The following PLCH1 variants were observed in gnomAD, a reference collection of about 807,000 sequenced individuals.
The protein encoded by PLCH1 is phospholipase C eta 1.
Under a neutral mutation model 126.7 loss-of-function variants are expected in PLCH1, and 60 were observed. The observed-to-expected ratio is 0.47, with a 90% CI of 0.38 to 0.59. The LOEUF is 0.59. Ranked by LOEUF, PLCH1 falls within the 20% of genes least tolerant of loss-of-function variation. The pLI is 0.00. For missense variants in PLCH1, 1,723 were observed against 2,040.0 expected (o/e 0.84, Z 2.99); for synonymous variants, 719 against 734.9 (o/e 0.98, Z 0.35).
At chr3:155,703,147 G>GA (rs1414962624) in intron 2 of PLCH1, among the ~76,000 whole-genome samples, 2 of 152,124 alleles carry the variant, frequency 1.3e-5, no homozygotes, top group Non-Finnish European at 2.9e-5. Context: ...AATGAACGTT[G>GA]AAAAAACACT....
chr3:155,734,498 G>A (rs1749008847), intron 1 of PLCH1, among the ~76,000 whole-genome samples: 1 of 151,934 alleles, frequency 6.6e-6, no homozygotes, highest in Admixed American at 6.6e-5. Flanking sequence ...ATTAAAAATA[G>A]AACTACTATA....
intron 21 of PLCH1, among the ~76,000 whole-genome samples, chr3:155,458,496 AAG>A (rs200960680): frequency 0.12 from 9,739 of 84,120 alleles, 1,342 homozygotes; most frequent in African/African-American, 0.4. Flanking sequence ...GAAAGAAAGA[AAG>A]AGAAAGAAGA....
chr3:155,461,484 TG>T (rs1270321663), intron 21 of PLCH1, among the ~76,000 whole-genome samples: 1 of 152,058 alleles, frequency 6.6e-6, no homozygotes, highest in Non-Finnish European at 1.5e-5. Flanking sequence ...ATGAAGAAAA[TG>T]GTACTTTTAA....
intron 6 of PLCH1, among the ~76,000 whole-genome samples, chr3:155,575,122 C>T (rs936172088): frequency 6.6e-6 from 1 of 151,238 alleles, no homozygotes; most frequent in Non-Finnish European, 1.5e-5. Context: ...CAGAGCAAGA[C>T]CCCATCTAAA....
chr3:155,485,475 GTCC>G lies in PLCH1; in HGVS notation c.2852_2854del (p.Arg951del). 1 of 1,614,084 alleles carries G rather than the reference GTCC, an allele frequency of 6.2e-7. No individual in the cohort carries two copies. Among genetic ancestry groups the G allele is most frequent in the Non-Finnish European group, 8.5e-7 (1 of 1,179,956 alleles). On this transcript the variant is annotated inframe_deletion, in exon 22 of 23. Transcript: ENST00000460012. ...AGGGCGTGCTTGCAAACTGCGTGTG[GTCC>G]TCCTCAGCACGCCATCTTGATCTCT...
intron 14 of PLCH1, 134 bp from the exon 15 acceptor site, chr3:155,497,551 T>G: frequency 1.5e-6 from 1 of 648,606 alleles, no homozygotes; most frequent in South Asian, 1.8e-5. Context: ...GGAGCCAGGA[T>G]TGGCACCCAA....
At chr3:155,649,343 C>T (rs1290772074) in intron 2 of PLCH1, among the ~76,000 whole-genome samples, 1 of 152,106 alleles carries the variant, frequency 6.6e-6, no homozygotes, top group Non-Finnish European at 1.5e-5. Context: ...TGTTTCGGCC[C>T]TAAAATAATA....
chr3:155,484,338 T>C (rs1281229959), intron 22 of PLCH1, among the ~76,000 whole-genome samples: 1 of 152,176 alleles, frequency 6.6e-6, no homozygotes, highest in Non-Finnish European at 1.5e-5. Context: ...AAGGCACATG[T>C]TTTATCTCTT....
chr3:155,665,764 AAT>A (rs1742657531), intron 2 of PLCH1, among the ~76,000 whole-genome samples: 1 of 152,214 alleles, frequency 6.6e-6, no homozygotes, highest in African/African-American at 2.4e-5. Flanking sequence ...TTATAAATGT[AAT>A]ATATGATAAT....
intron 2 of PLCH1, among the ~76,000 whole-genome samples, chr3:155,598,837 A>T (rs1266688948): frequency 6.6e-6 from 1 of 152,184 alleles, no homozygotes; most frequent in Non-Finnish European, 1.5e-5. Flanking sequence ...AACACCAAAA[A>T]TGGTAGCTAT....
intron 2 of PLCH1, among the ~76,000 whole-genome samples, chr3:155,635,575 C>G (rs1433967262): frequency 3.3e-5 from 5 of 152,232 alleles, no homozygotes; most frequent in Non-Finnish European, 7.3e-5. Context: ...TTTACAGCTG[C>G]AGTACACCTT....
At position 155,471,894 on chromosome 3, in the gene PLCH1, A is replaced by C. The variant is rs566985596; in HGVS notation, c.2938+13462T>G. 7.6e-3 allele frequency among the ~76,000 whole-genome samples: 1,163 copies of C among 152,238 alleles called. 13 individuals carry two copies. Among genetic ancestry groups the C allele is most frequent in the Non-Finnish European group, 0.013 (877 of 67,960 alleles). ...TTGAAACCAACGAGAACAAAGACAC[A>C]ACATACCAGAATCTCTGGGATGCAT... On this transcript the variant is annotated intron_variant, in intron 21 of 21. Coordinates refer to the PLCH1 transcript ENST00000494598.
downstream of PLCH1, among the ~76,000 whole-genome samples, chr3:155,479,407 C>G (rs78298969): frequency 6.1e-3 from 928 of 152,296 alleles, 11 homozygotes; most frequent in African/African-American, 0.021. Flanking sequence ...AAAGGACCCC[C>G]AACCTTGGGG....
chr3:155,534,721 T>A (rs1471446153), intron 10 of PLCH1, among the ~76,000 whole-genome samples: 1 of 152,146 alleles, frequency 6.6e-6, no homozygotes, highest in Non-Finnish European at 1.5e-5. Flanking sequence ...GGGAGAGACC[T>A]GGTGGGAGGT....
At chr3:155,579,677 A>G (rs1335535763) in intron 6 of PLCH1, among the ~76,000 whole-genome samples, 1 of 152,236 alleles carries the variant, frequency 6.6e-6, no homozygotes, top group African/African-American at 2.4e-5. Context: ...AGTTTGAAAG[A>G]GACATCAAGA....
At chr3:155,652,412 T>C (rs1165774113) in intron 2 of PLCH1, among the ~76,000 whole-genome samples, 11 of 152,218 alleles carry the variant, frequency 7.2e-5, no homozygotes, top group African/African-American at 2.7e-4. Flanking sequence ...TGACTCAATC[T>C]GACATCCAGT....
In PLCH1 at chr3:155,611,054, A is replaced by G. The variant is rs772282871; in HGVS notation, c.80-14676T>C. ...ATGCAAATGAACACCAAAAGCATGC[A>G]GAAGTAGCTATTCTTATATCAGACA... is the stretch of plus-strand genomic sequence containing the variant. On this transcript the variant is annotated intron_variant, in intron 2 of 22. Transcript: ENST00000460012. 5.3e-5 allele frequency among the ~76,000 whole-genome samples: 8 copies of G among 152,242 alleles called. No individual in the cohort carries two copies. In the East Asian group the frequency reaches 1.5e-3, roughly 29 times the overall value.
In PLCH1 at chr3:155,458,255, T is replaced by TTCC. The variant is rs1363557094; in HGVS notation, c.2938+27100_2938+27101insGGA. Among the ~76,000 whole-genome samples, 11 of 146,680 alleles carry TTCC rather than the reference T, an allele frequency of 7.5e-5. No homozygotes were observed. The South Asian group carries it at 1.5e-3, about 20-fold the overall frequency. ...TACTAAGGAGGCTGAGGCAGGAGAATCACTTGAACCTGGGAGGCGGAGGTT... is the reference window on the plus strand; with the variant it reads ...TACTAAGGAGGCTGAGGCAGGAGAATTCCCACTTGAACCTGGGAGGCGGAGGTT... On this transcript the variant is annotated intron_variant, in intron 21 of 21. Coordinates refer to the PLCH1 transcript ENST00000494598.
chr3:155,568,004 T>C (rs1213469959), intron 7 of PLCH1, among the ~76,000 whole-genome samples: 3 of 152,224 alleles, frequency 2.0e-5, no homozygotes, highest in Non-Finnish European at 4.4e-5. Flanking sequence ...CCAGGTAGAC[T>C]TGCTTGAAGT....
Sources: allele counts gnomAD v4.1 joint callset (sites outside exome capture counted in the v4.1 genomes callset), GRCh38; gene constraint gnomAD v4.1.1; transcripts MANE v1.5; gene names NCBI Gene and HGNC (gene_info 2026-07-23, HGNC 2026-07-21).